Variants in SPIDR observed in about 807,000 individuals in gnomAD.
SPIDR encodes DNA repair-scaffolding protein.
A neutral mutation model predicts 104.6 loss-of-function variants in SPIDR; 93 were observed. The ratio of observed to expected loss-of-function variants is 0.89; its 90% CI spans 0.75 to 1.06. The LOEUF is 1.06. Among genes scored for constraint, SPIDR ranks in the 50% least tolerant of loss-of-function variants. SPIDR has a pLI of 0.00. For synonymous variants in SPIDR, 431 were observed against 416.9 expected (o/e 1.03, Z -0.41); for missense variants, 1,154 against 1,111.2 (o/e 1.04, Z -0.55).
chr8:47,421,101 T>G (rs1190646978), intron 7 of SPIDR, among the ~76,000 whole-genome samples: 1 of 152,216 alleles, frequency 6.6e-6, no homozygotes, highest in East Asian at 1.9e-4. Flanking sequence ...GAGTTGCTCT[T>G]CTTGAACAGT....
chr8:47,616,807 T>G (rs1422328346), intron 10 of SPIDR, among the ~76,000 whole-genome samples: 1 of 152,238 alleles, frequency 6.6e-6, no homozygotes, highest in Non-Finnish European at 1.5e-5. Flanking sequence ...AATTAAGCAG[T>G]ATTGTCACAA....
chr8:47,610,826 A>G (rs551857432), intron 10 of SPIDR, among the ~76,000 whole-genome samples: 50 of 152,240 alleles, frequency 3.3e-4, no homozygotes, highest in Non-Finnish European at 6.8e-4. Context: ...TTTCACATTT[A>G]TTTGCACAGA....
chr8:47,577,901 A>G (rs1242925733), intron 8 of SPIDR, among the ~76,000 whole-genome samples: 1 of 152,282 alleles, frequency 6.6e-6, no homozygotes, highest in East Asian at 1.9e-4. Context: ...ATTCCTGCAA[A>G]CATTTGAAAA....
chr8:47,507,855 A>T (rs920020254), intron 8 of SPIDR, among the ~76,000 whole-genome samples: 1 of 152,074 alleles, frequency 6.6e-6, no homozygotes, highest in African/African-American at 2.4e-5. Flanking sequence ...GTATTGTGTG[A>T]CCCCAAAACC....
rs539564209 is a variant in SPIDR, at chr8:47,604,294, A to C, written c.1544+5098A>C. Among the ~76,000 whole-genome samples the C allele has an allele frequency of 2.6e-5, 4 of 152,354 alleles. No homozygotes were observed. In the South Asian group the frequency reaches 8.3e-4, roughly 32 times the overall value. On this transcript the variant is annotated intron_variant, in intron 10 of 19. Coordinates refer to ENST00000297423, the MANE Select transcript of SPIDR (RefSeq NM_001080394.4). ...GAATACCTTTGAAAAGCTCTTGGAC[A>C]GGAGGGAGAAGCCAGCATGACCATG...
intron 8 of SPIDR, among the ~76,000 whole-genome samples, chr8:47,561,876 G>T (rs923061684): frequency 6.6e-6 from 1 of 152,176 alleles, no homozygotes; most frequent in East Asian, 1.9e-4. Context: ...AAATAATACT[G>T]AGAAGTGGAA....
At chr8:47,634,218 G>A (rs923512819) in intron 10 of SPIDR, among the ~76,000 whole-genome samples, 1 of 152,202 alleles carries the variant, frequency 6.6e-6, no homozygotes, top group East Asian at 1.9e-4. Flanking sequence ...ACTTTGGGAG[G>A]CCAGGGTGGA....
chr8:47,549,899 G>A (rs1323873110), intron 8 of SPIDR, among the ~76,000 whole-genome samples: 1 of 152,124 alleles, frequency 6.6e-6, no homozygotes, highest in Non-Finnish European at 1.5e-5. Flanking sequence ...ATGGTTTTAG[G>A]TCTAACATTT....
intron 8 of SPIDR, among the ~76,000 whole-genome samples, chr8:47,456,526 A>C (rs2073007787): frequency 6.6e-6 from 1 of 152,206 alleles, no homozygotes; most frequent in Non-Finnish European, 1.5e-5. Context: ...TAACAGAAGG[A>C]AACTGTAAAA....
chr8:47,434,721 G>A (rs557136351), intron 7 of SPIDR, among the ~76,000 whole-genome samples: 11 of 151,100 alleles, frequency 7.3e-5, no homozygotes, highest in South Asian at 2.1e-4. Flanking sequence ...CTTGCTTCAC[G>A]GAGAATAGTT....
intron 2 of SPIDR, among the ~76,000 whole-genome samples, chr8:47,282,502 T>A (rs1190003662): frequency 6.6e-6 from 1 of 152,374 alleles, no homozygotes; most frequent in Admixed American, 6.5e-5. Context: ...TTAAACTTCA[T>A]GAACCAACCT....
At chr8:47,723,114 G>A (rs1041332359) in intron 16 of SPIDR, among the ~76,000 whole-genome samples, 6 of 151,982 alleles carry the variant, frequency 3.9e-5, no homozygotes, top group Admixed American at 6.6e-5. Flanking sequence ...GTGATCCCCC[G>A]GCCTTGGCCT....
intron 8 of SPIDR, among the ~76,000 whole-genome samples, chr8:47,584,786 C>A (rs2060094417): frequency 6.6e-6 from 1 of 152,166 alleles, no homozygotes; most frequent in South Asian, 2.1e-4. Context: ...CAGTGTGCAT[C>A]AGATCTGCAG....
chr8:47,732,293 C>T (rs937868811), intron 19 of SPIDR: 41 of 678,304 alleles, frequency 6.0e-5, no homozygotes, highest in Middle Eastern at 2.3e-4. Context: ...CCTGAGTGCA[C>T]GTGTGTGCAC....
chr8:47,713,109 A>G lies in SPIDR; in HGVS notation c.2188+237A>G. The G allele has an allele frequency of 2.8e-6, 3 of 1,075,720 alleles. No individual in the cohort carries two copies. The African/African-American group carries it at 4.7e-5, about 17-fold the overall frequency. The allele number at this position is 1,075,720 out of a possible 1,614,324, so 66.6% of individuals were successfully genotyped here. Reference sequence around the variant, plus strand: ...CACTCCAGAATTGCCTGCTGGTGGCACCCCATACTGCTGCAGACTCCACAA... The same window carrying G: ...CACTCCAGAATTGCCTGCTGGTGGCGCCCCATACTGCTGCAGACTCCACAA... On this transcript the variant is annotated intron_variant, in intron 15 of 19. Transcript: ENST00000297423.
chr8:47,378,466 A>G (rs2058934406), intron 5 of SPIDR, among the ~76,000 whole-genome samples: 1 of 152,202 alleles, frequency 6.6e-6, no homozygotes. Context: ...TTGTAATTGC[A>G]GCTATCAAAG....
At chr8:47,386,436 G>T (rs2059917309) in intron 5 of SPIDR, among the ~76,000 whole-genome samples, 1 of 152,020 alleles carries the variant, frequency 6.6e-6, no homozygotes, top group Admixed American at 6.6e-5. Flanking sequence ...TTACACTGAG[G>T]CTCCTAGTTA....
intron 8 of SPIDR, chr8:47,527,632 C>G (rs967545456): frequency 4.6e-5 from 7 of 152,224 alleles, no homozygotes; most frequent in Non-Finnish European, 8.8e-5. Context: ...TCATTAAAGT[C>G]GCCAGGTCAA....
At chr8:47,593,040 C>T (rs959108906) in intron 8 of SPIDR, among the ~76,000 whole-genome samples, 2 of 152,102 alleles carry the variant, frequency 1.3e-5, no homozygotes, top group Admixed American at 6.5e-5. Flanking sequence ...CCATGCCCCA[C>T]CACGCCCAGC....
Sources: gnomAD v4.1 joint callset for allele counts (sites outside exome capture counted in the v4.1 genomes callset) on GRCh38, gnomAD v4.1.1 for gene constraint, MANE v1.5 for transcripts, NCBI Gene and HGNC (gene_info 2026-07-23, HGNC 2026-07-21) for gene names.